The following EXOG variants were observed in gnomAD, a reference collection of about 807,000 sequenced individuals.
The protein encoded by EXOG is exo/endonuclease G.
EXOG carries 27 observed loss-of-function variants against 25.8 expected under a neutral mutation model. The observed-to-expected ratio is 1.05, with a 90% CI of 0.77 to 1.45. EXOG has a LOEUF of 1.45. Ranked by LOEUF, EXOG falls within the 40% of genes most tolerant of loss-of-function variation. The pLI is 0.00. For missense variants in EXOG, 458 were observed against 450.5 expected (o/e 1.02, Z -0.15); for synonymous variants, 133 against 167.0 (o/e 0.80, Z 1.57).
Position 38,524,701 on chromosome 3 carries a change from T to C in EXOG, c.*339T>C. On this transcript the variant is annotated 3_prime_UTR_variant, in exon 6 of 6. Transcript: ENST00000287675. ...CCCCCAAAAGATGAAAGATCTACAA[T>C]GTTTTTGTCAGTATTATATTTGACT... The C allele has an allele frequency of 9.8e-7, 1 of 1,017,020 alleles. No individual in the cohort carries two copies. Among genetic ancestry groups the C allele is most frequent in the Non-Finnish European group, 1.2e-6 (1 of 850,670 alleles). 63.0% of individuals were successfully genotyped at this position (1,017,020 alleles called of 1,614,324 possible). A position where few individuals can be genotyped will look rare whatever the true frequency, so the allele number is the denominator to read the frequency against.
Position 38,524,184 on chromosome 3 carries a change from A to T in EXOG, c.929A>T (p.Tyr310Phe). ...KLLDFQEFTL[Y>F]LSTRKIEGAR... ...CTGGATTTCCAGGAGTTCACCTTGTACTTGAGTACAAGAAAGATTGAAGGA... is the reference window on the plus strand; with the variant it reads ...CTGGATTTCCAGGAGTTCACCTTGTTCTTGAGTACAAGAAAGATTGAAGGA... Residue 310 changes from tyrosine to phenylalanine, a missense_variant, in exon 6 of 6, where the codon TAC becomes TTC. Physicochemically the swap from Tyr to Phe is conservative, Grantham distance 22. Transcript: ENST00000287675. 2 of 1,614,192 alleles carry T rather than the reference A, an allele frequency of 1.2e-6. No individual in the cohort carries two copies. Among genetic ancestry groups the T allele is most frequent in the South Asian group, 2.2e-5 (2 of 91,080 alleles).
Position 38,524,776 on chromosome 3 carries a change from T to C in EXOG, c.*414T>C. The C allele has an allele frequency of 1.0e-6, 1 of 989,958 alleles. No individual in the cohort carries two copies. The highest frequency in any genetic ancestry group is 1.2e-6 in the Non-Finnish European group (1 of 833,098). The allele number at this position is 989,958 out of a possible 1,614,324, so 61.3% of individuals were successfully genotyped here. On this transcript the variant is annotated 3_prime_UTR_variant, in exon 6 of 6. Transcript: ENST00000287675. ...TTGACACCTGCAGATGGAGGGCTGA[T>C]CTTGTGTCAAGTTAACAGGAAGACT...
chr3:38,524,090 G>C lies in EXOG; in HGVS notation c.835G>C (p.Val279Leu). Residue 279 changes from valine to leucine, a missense_variant, in exon 6 of 6, where the codon GTG becomes CTG. This residue lies in a region of EXOG where 178 missense variants were observed against 203.7 expected (regional missense o/e 0.87). Transcript: ENST00000287675. ...GGACCTAGAGAAGTTGTCAGGACTG[G>C]TGTTTTTTCCTCATTTGGATAGAAC... ...LQDLEKLSGL[V>L]FFPHLDRTSD... is the part of the protein sequence containing the mutation. 1 of 1,614,148 alleles carries C rather than the reference G, an allele frequency of 6.2e-7. No individual in the cohort carries two copies. Among genetic ancestry groups the C allele is most frequent in the Non-Finnish European group, 8.5e-7 (1 of 1,180,012 alleles).
intron 5 of EXOG, among the ~76,000 whole-genome samples, chr3:38,516,719 G>C (rs6599210): frequency 6.6e-6 from 1 of 151,906 alleles, no homozygotes. Flanking sequence ...ATCCAACCAG[G>C]ATTGAGCATT....
rs1044598376 is a variant in EXOG, at chr3:38,514,662, A to G, written c.645+7694A>G. Among the ~76,000 whole-genome samples the G allele has an allele frequency of 3.3e-5, 5 of 152,100 alleles. No homozygotes were observed. In the South Asian group the frequency reaches 6.2e-4, roughly 19 times the overall value. On this transcript the variant is annotated intron_variant, in intron 5 of 5. Coordinates refer to ENST00000287675, the MANE Select transcript of EXOG (RefSeq NM_005107.4). ...AAGCTTTTTTAGTTTTAAGTCATCT[A>G]TATATCTGTCCTTCTGTTTCTCCTT...
Position 38,496,550 on chromosome 3 carries a change from C to G in EXOG, c.163+20C>G, listed in dbSNP as rs753363770. On this transcript the variant is annotated intron_variant, in intron 1 of 5. Coordinates refer to ENST00000287675, the MANE Select transcript of EXOG (RefSeq NM_005107.4). ...CGGATGGTAAGTCTGTGGGCCCGTCCTCCCTTCGCTGGCCCAGATTTCGGG... is the reference window on the plus strand; with the variant it reads ...CGGATGGTAAGTCTGTGGGCCCGTCGTCCCTTCGCTGGCCCAGATTTCGGG... 5 of 1,598,136 alleles carry G rather than the reference C, an allele frequency of 3.1e-6. No homozygotes were observed. Among genetic ancestry groups the G allele is most frequent in the Non-Finnish European group, 3.4e-6 (4 of 1,173,476 alleles).
chr3:38,508,873 A>G (rs762017278), intron 5 of EXOG, among the ~76,000 whole-genome samples: 3 of 152,206 alleles, frequency 2.0e-5, no homozygotes, highest in Non-Finnish European at 4.4e-5. Flanking sequence ...ACACAAAATT[A>G]TGACCCAACT....
intron 3 of EXOG, among the ~76,000 whole-genome samples, chr3:38,502,985 A>G (rs970462743): frequency 2.0e-5 from 3 of 152,082 alleles, no homozygotes; most frequent in Non-Finnish European, 4.4e-5. Flanking sequence ...AAAACTGGAA[A>G]CTCTCAGGGA....
intron 5 of EXOG, chr3:38,519,181 A>G (rs1273440762): frequency 1.3e-5 from 2 of 152,218 alleles, no homozygotes; most frequent in Non-Finnish European, 2.9e-5. Flanking sequence ...ATATGAGCCT[A>G]AGGGAAGATT....
chr3:38,504,241 C>G (rs2060132544), intron 4 of EXOG, among the ~76,000 whole-genome samples: 1 of 151,822 alleles, frequency 6.6e-6, no homozygotes, highest in South Asian at 2.1e-4. Flanking sequence ...GTGGTCCATG[C>G]CTGTATCCCA....
Position 38,525,531 on chromosome 3 carries a change from G to T in EXOG, c.*1169G>T, listed in dbSNP as rs999694949. The T allele has an allele frequency of 2.0e-6, 2 of 985,172 alleles. No individual in the cohort carries two copies. The highest frequency in any genetic ancestry group is 2.4e-6 in the Non-Finnish European group (2 of 829,832). The allele number at this position is 985,172 out of a possible 1,614,324, so 61.0% of individuals were successfully genotyped here. The stretch of plus-strand genomic sequence containing the variant: ...GAATTAGACGGCAATACTTTGTGGG[G>T]TTTATTAGAGCCCATGCTTGCCTCC... On this transcript the variant is annotated 3_prime_UTR_variant, in exon 6 of 6. Coordinates refer to ENST00000287675, the MANE Select transcript of EXOG (RefSeq NM_005107.4).
Position 38,502,011 on chromosome 3 carries a change from C to T in EXOG, c.453+517C>T, listed in dbSNP as rs563457037. On this transcript the variant is annotated intron_variant, in intron 3 of 5. Coordinates refer to ENST00000287675, the MANE Select transcript of EXOG (RefSeq NM_005107.4). ...GATCTTGGCTCACTGTAACCTCCGC[C>T]TCCCGGGTTCAAGTGATTCTCCTGC... Among the ~76,000 whole-genome samples, 17 of 152,298 alleles carry T rather than the reference C, an allele frequency of 1.1e-4. No homozygotes were observed. The East Asian group carries it at 3.3e-3, about 29-fold the overall frequency.
At chr3:38,516,625 A>G (rs577251322) in intron 5 of EXOG, among the ~76,000 whole-genome samples, 1 of 152,324 alleles carries the variant, frequency 6.6e-6, no homozygotes, top group East Asian at 1.9e-4. Context: ...ACATATAGAA[A>G]TACTACCTAA....
At chr3:38,513,884 C>T (rs1031824226) in intron 5 of EXOG, 2 of 152,036 alleles carry the variant, frequency 1.3e-5, no homozygotes, top group Non-Finnish European at 1.5e-5. Context: ...TAAAATGCCT[C>T]GTAGAAATAT....
intron 5 of EXOG, among the ~76,000 whole-genome samples, chr3:38,518,468 G>A (rs779482861): frequency 7.9e-5 from 12 of 152,278 alleles, no homozygotes; most frequent in Admixed American, 1.3e-4. Flanking sequence ...CTCAAGCAAC[G>A]AATAATTTGA....
intron 5 of EXOG, chr3:38,513,852 A>T (rs2060448520): frequency 6.6e-6 from 1 of 152,228 alleles, no homozygotes; most frequent in African/African-American, 2.4e-5. Context: ...CATGCATTAT[A>T]GTGGAGGAGA....
At chr3:38,513,323 C>T (rs1260636333) in intron 5 of EXOG, among the ~76,000 whole-genome samples, 1 of 152,202 alleles carries the variant, frequency 6.6e-6, no homozygotes, top group Non-Finnish European at 1.5e-5. Flanking sequence ...CTTACATTTC[C>T]TGTCTAGCCC....
rs148269910 is a variant in EXOG at position 38,525,690 on chromosome 3, C to G, written c.*1328C>G. 8 of 949,054 alleles carry G rather than the reference C, an allele frequency of 8.4e-6. No homozygotes were observed. The highest frequency in any genetic ancestry group is 1.0e-5 in the Non-Finnish European group (8 of 796,818). The allele number at this position is 949,054 out of a possible 1,614,324, so 58.8% of individuals were successfully genotyped here. On this transcript the variant is annotated 3_prime_UTR_variant, in exon 6 of 6. Coordinates refer to ENST00000287675, the MANE Select transcript of EXOG (RefSeq NM_005107.4). ...AGGCATGGTGGCTCAGGCCTATAAT[C>G]TCAGCACTTTGGGAAATCGAGGTGG... is the stretch of plus-strand genomic sequence containing the variant.
chr3:38,497,135 A>G (rs1477672217), intron 1 of EXOG: 13 of 1,002,908 alleles, frequency 1.3e-5, no homozygotes, highest in Non-Finnish European at 1.5e-5. Context: ...GTGCTAATTT[A>G]ACTTGCTCCT....
Sources: allele counts gnomAD v4.1 joint callset (sites outside exome capture counted in the v4.1 genomes callset), GRCh38; gene constraint gnomAD v4.1.1; regional missense constraint gnomAD v4.1.1; transcripts MANE v1.5; gene names NCBI Gene and HGNC (gene_info 2026-07-23, HGNC 2026-07-21).